Variants in BMPR1B observed in about 807,000 individuals in gnomAD.
BMPR1B encodes bone morphogenetic protein receptor type 1B.
Under a neutral mutation model 59.1 loss-of-function variants are expected in BMPR1B, and 12 were observed. The observed-to-expected ratio is 0.20, with a 90% CI of 0.13 to 0.33. The LOEUF is 0.33. Ranked by LOEUF, BMPR1B falls within the 10% of genes least tolerant of loss-of-function variation. BMPR1B has a pLI of 1.00. For synonymous variants in BMPR1B, 237 were observed against 207.3 expected, an observed-to-expected ratio of 1.14 and a Z score of -1.23; for missense variants, 550 against 610.9, an observed-to-expected ratio of 0.90 and a Z score of 1.05.
Position 95,125,133 on chromosome 4 carries a change from A to G in BMPR1B, c.585+12A>G, listed in dbSNP as rs756505526. 3.7e-6 allele frequency: 6 copies of G among 1,613,506 alleles called. No individual in the cohort carries two copies. The highest frequency in any genetic ancestry group is 5.1e-6 in the Non-Finnish European group (6 of 1,179,642). On this transcript the variant is annotated intron_variant, in intron 8 of 12. Transcript: ENST00000515059. ...GCCTCCCTCTGCTGGTATGAGAAGA[A>G]CACATCTTGAATTTAAAGGAAATGT...
intron 1 of BMPR1B, among the ~76,000 whole-genome samples, chr4:94,848,864 AGAGG>A (rs1404029989): frequency 1.2e-4 from 18 of 152,328 alleles, no homozygotes; most frequent in Admixed American, 1.1e-3. Flanking sequence ...TAGATAAATG[AGAGG>A]GAGGCATCGA....
At chr4:94,939,439 T>C (rs113485523) in intron 2 of BMPR1B, among the ~76,000 whole-genome samples, 1 of 152,174 alleles carries the variant, frequency 6.6e-6, no homozygotes, top group African/African-American at 2.4e-5. Context: ...TCATGAAAAT[T>C]TAAAGACTGT....
chr4:95,086,352 C>T (rs1256702999), intron 3 of BMPR1B, among the ~76,000 whole-genome samples: 1 of 152,132 alleles, frequency 6.6e-6, no homozygotes, highest in Non-Finnish European at 1.5e-5. Context: ...CTTTCTGTGC[C>T]AGGCTTGTTA....
chr4:95,078,185 T>G (rs1427279899), intron 3 of BMPR1B, among the ~76,000 whole-genome samples: 2 of 152,192 alleles, frequency 1.3e-5, no homozygotes, highest in Non-Finnish European at 1.5e-5. Context: ...TAGCTAAAAT[T>G]TTAAAATATG....
At chr4:94,851,160 T>G (rs1469364061) in intron 1 of BMPR1B, among the ~76,000 whole-genome samples, 2 of 152,114 alleles carry the variant, frequency 1.3e-5, no homozygotes, top group Non-Finnish European at 2.9e-5. Context: ...GTAAACACAG[T>G]AGAGTCTGCA....
intron 1 of BMPR1B, among the ~76,000 whole-genome samples, chr4:94,771,630 T>C (rs1016693472): frequency 3.3e-5 from 5 of 152,206 alleles, no homozygotes; most frequent in African/African-American, 1.2e-4. Context: ...CTTTAAATGA[T>C]GTAATCTCCC....
At chr4:95,086,249 C>T (rs1477245883) in intron 3 of BMPR1B, among the ~76,000 whole-genome samples, 1 of 152,084 alleles carries the variant, frequency 6.6e-6, no homozygotes, top group African/African-American at 2.4e-5. Flanking sequence ...ATGTCATGTT[C>T]GTTGCTGTTT....
chr4:94,875,930 G>T (rs1332867319), intron 2 of BMPR1B, 30 bp downstream of exon 2: 2 of 152,588 alleles, frequency 1.3e-5, no homozygotes, highest in Admixed American at 6.5e-5. Flanking sequence ...TAAATAATTT[G>T]AGATGTTTGG....
chr4:94,976,759 C>CA (rs1432818974), intron 2 of BMPR1B, among the ~76,000 whole-genome samples: 1 of 152,066 alleles, frequency 6.6e-6, no homozygotes, highest in Non-Finnish European at 1.5e-5. Context: ...TCTTTCTGTT[C>CA]AAAAGGGGGA....
chr4:94,829,994 A>G (rs922107185), intron 1 of BMPR1B, among the ~76,000 whole-genome samples: 1 of 152,182 alleles, frequency 6.6e-6, no homozygotes, highest in African/African-American at 2.4e-5. Flanking sequence ...GAGAAAAAAT[A>G]ATTATTCTGA....
intron 3 of BMPR1B, among the ~76,000 whole-genome samples, chr4:95,002,521 G>A (rs973256883): frequency 6.6e-6 from 1 of 152,212 alleles, no homozygotes; most frequent in Non-Finnish European, 1.5e-5. Context: ...TCGAATGGTA[G>A]TTCTGTTTTA....
At chr4:94,936,316 T>G (rs961873564) in intron 2 of BMPR1B, among the ~76,000 whole-genome samples, 3 of 152,194 alleles carry the variant, frequency 2.0e-5, no homozygotes, top group African/African-American at 7.2e-5. Context: ...AATTTGAATT[T>G]CGTGGGACAG....
chr4:95,114,062 A>G (rs1450350069), intron 4 of BMPR1B, among the ~76,000 whole-genome samples: 1 of 152,134 alleles, frequency 6.6e-6, no homozygotes, highest in Non-Finnish European at 1.5e-5. Flanking sequence ...TATACTTCTT[A>G]CAACAAAGCT....
intron 9 of BMPR1B, 99 bp downstream of exon 9, chr4:95,130,153 G>C: frequency 7.1e-7 from 1 of 1,401,012 alleles, no homozygotes; most frequent in Non-Finnish European, 1.0e-6. Context: ...GACCCGTTGC[G>C]AAATGTATTG....
chr4:94,842,316 T>C (rs1291487120), intron 1 of BMPR1B, among the ~76,000 whole-genome samples: 1 of 152,172 alleles, frequency 6.6e-6, no homozygotes, highest in Non-Finnish European at 1.5e-5. Context: ...TAAAAAAATC[T>C]TAACGTACTG....
intron 2 of BMPR1B, among the ~76,000 whole-genome samples, chr4:94,941,286 G>C (rs1365820891): frequency 2.3e-5 from 2 of 86,292 alleles, no homozygotes; most frequent in Non-Finnish European, 5.4e-5. Context: ...AAAAAAATTA[G>C]TGGGGCATGG....
At chr4:94,870,653 TA>T (rs1276626550) in intron 1 of BMPR1B, among the ~76,000 whole-genome samples, 1 of 152,204 alleles carries the variant, frequency 6.6e-6, no homozygotes. Context: ...ATGTTAGACT[TA>T]ACCTGAAAGT....
At chr4:94,874,980 G>A (rs1726662070) in intron 1 of BMPR1B, among the ~76,000 whole-genome samples, 2 of 152,066 alleles carry the variant, frequency 1.3e-5, no homozygotes, top group African/African-American at 2.4e-5. Flanking sequence ...GCAACAGAGC[G>A]AGACACCGTC....
At chr4:95,114,906 T>C (rs1455601891) in intron 5 of BMPR1B, 84 bp downstream of exon 5, 2 of 1,328,560 alleles carry the variant, frequency 1.5e-6, no homozygotes, top group Non-Finnish European at 2.2e-6. Flanking sequence ...TTCTTTTTCT[T>C]GGCCAGCCCA....
Sources: allele counts gnomAD v4.1 joint callset (sites outside exome capture counted in the v4.1 genomes callset), GRCh38; gene constraint gnomAD v4.1.1; transcripts MANE v1.5; gene names NCBI Gene and HGNC (gene_info 2026-07-23, HGNC 2026-07-21).